The following KCNQ3 variants were observed in gnomAD, a reference collection of about 807,000 sequenced individuals.
KCNQ3 encodes potassium voltage-gated channel subfamily KQT member 3.
Under a neutral mutation model 92.5 loss-of-function variants are expected in KCNQ3, and 30 were observed. The ratio of observed to expected loss-of-function variants is 0.32; its 90% CI spans 0.24 to 0.44. KCNQ3 has a LOEUF of 0.44. KCNQ3 is among the 20% of genes least tolerant of loss of function. The probability of loss-of-function intolerance (pLI) is 1.00; values close to 1 mark genes in which losing one functional copy is unlikely to be tolerated. For synonymous variants in KCNQ3, 450 were observed against 468.8 expected, an observed-to-expected ratio of 0.96 and a Z score of 0.52; for missense variants, 913 against 1,140.3, an observed-to-expected ratio of 0.80 and a Z score of 2.87.
At chr8:132,395,255 T>A (rs1820162916) in intron 1 of KCNQ3, among the ~76,000 whole-genome samples, 1 of 151,946 alleles carries the variant, frequency 6.6e-6, no homozygotes, top group Non-Finnish European at 1.5e-5. Context: ...CATTTATGAT[T>A]TCTTTGTGTT....
chr8:132,168,256 G>C (rs914317186), intron 8 of KCNQ3, among the ~76,000 whole-genome samples: 1 of 152,060 alleles, frequency 6.6e-6, no homozygotes, highest in African/African-American at 2.4e-5. Context: ...TTCTTGCTTT[G>C]ACTTGAGTCC....
At chr8:132,249,704 A>C (rs959091361) in intron 1 of KCNQ3, among the ~76,000 whole-genome samples, 1 of 152,126 alleles carries the variant, frequency 6.6e-6, no homozygotes, top group Non-Finnish European at 1.5e-5. Context: ...ACCGCAGAGC[A>C]GGGGGCGGTG....
At position 132,248,379 on chromosome 8, in the gene KCNQ3, C is replaced by T. The variant is rs866888392; in HGVS notation, c.387-62198G>A. 3.3e-4 allele frequency among the ~76,000 whole-genome samples: 49 copies of T among 149,368 alleles called. No homozygotes were observed. In the Middle Eastern group the frequency reaches 0.01, roughly 32 times the overall value. On this transcript the variant is annotated intron_variant, in intron 1 of 14. Coordinates refer to ENST00000388996, the MANE Select transcript of KCNQ3 (RefSeq NM_004519.4). ...ATATGATGAGATAGTATTCTCTTTC[C>T]AAGTAAGTATAGGAATAAGCACATA... is the stretch of plus-strand genomic sequence containing the variant.
At chr8:132,215,146 G>A (rs1446900738) in intron 1 of KCNQ3, among the ~76,000 whole-genome samples, 2 of 152,216 alleles carry the variant, frequency 1.3e-5, no homozygotes, top group East Asian at 3.8e-4. Context: ...CCACACCTGA[G>A]TCTCAATTCA....
intron 1 of KCNQ3, among the ~76,000 whole-genome samples, chr8:132,287,794 G>A (rs1239974861): frequency 6.6e-6 from 1 of 152,182 alleles, no homozygotes; most frequent in Admixed American, 6.5e-5. Context: ...GGAAAAATGA[G>A]ATGGGTAATA....
chr8:132,425,760 T>TATG (rs1253320475), intron 1 of KCNQ3, among the ~76,000 whole-genome samples: 10 of 152,202 alleles, frequency 6.6e-5, no homozygotes, highest in African/African-American at 1.2e-4. Flanking sequence ...GTATCTACTC[T>TATG]ACTCATTTGT....
At chr8:132,162,375 G>A (rs1338930951) in intron 9 of KCNQ3, among the ~76,000 whole-genome samples, 1 of 152,122 alleles carries the variant, frequency 6.6e-6, no homozygotes, top group African/African-American at 2.4e-5. Flanking sequence ...CACCCTGTTG[G>A]GAGTCTTGAG....
chr8:132,467,773 C>A (rs142598049), intron 1 of KCNQ3, among the ~76,000 whole-genome samples: 138 of 152,316 alleles, frequency 9.1e-4, no homozygotes, highest in African/African-American at 3.2e-3. Flanking sequence ...AAGACCCCAT[C>A]AAGCAAAACT....
At chr8:132,219,728 T>A (rs1316801406) in intron 1 of KCNQ3, among the ~76,000 whole-genome samples, 1 of 152,160 alleles carries the variant, frequency 6.6e-6, no homozygotes, top group South Asian at 2.1e-4. Context: ...GACAAGCCAC[T>A]AATCCTCTTG....
chr8:132,425,740 A>C (rs975718413), intron 1 of KCNQ3, among the ~76,000 whole-genome samples: 3 of 152,150 alleles, frequency 2.0e-5, no homozygotes, highest in Non-Finnish European at 4.4e-5. Flanking sequence ...ATGAATATGA[A>C]TCTGCCAAGG....
At chr8:132,199,586 A>T (rs921325280) in intron 1 of KCNQ3, among the ~76,000 whole-genome samples, 4 of 152,324 alleles carry the variant, frequency 2.6e-5, no homozygotes, top group Admixed American at 1.3e-4. Flanking sequence ...CTCGTGGGAT[A>T]ATCAAATGGA....
chr8:132,447,261 G>A (rs979659589), intron 1 of KCNQ3: 1 of 1,535,424 alleles, frequency 6.5e-7, no homozygotes, highest in African/African-American at 1.4e-5. Context: ...TTTTTAACAA[G>A]TGGTGGTAAC....
intron 1 of KCNQ3, among the ~76,000 whole-genome samples, chr8:132,424,918 G>A (rs766965512): frequency 3.3e-5 from 5 of 152,156 alleles, no homozygotes; most frequent in Admixed American, 6.5e-5. Flanking sequence ...CTTATCTTCC[G>A]ATCCTTAATT....
chr8:132,430,499 T>G (rs1018045647), intron 1 of KCNQ3, among the ~76,000 whole-genome samples: 4 of 152,208 alleles, frequency 2.6e-5, no homozygotes, highest in African/African-American at 4.8e-5. Flanking sequence ...TTCCTTCCAC[T>G]GGGCTCCATT....
chr8:132,331,530 T>C (rs1818228744), intron 1 of KCNQ3, among the ~76,000 whole-genome samples: 1 of 152,182 alleles, frequency 6.6e-6, no homozygotes, highest in African/African-American at 2.4e-5. Context: ...AGTCATAGCC[T>C]GGGCAGCTGT....
At chr8:132,330,778 G>T (rs1226587816) in intron 1 of KCNQ3, among the ~76,000 whole-genome samples, 1 of 152,170 alleles carries the variant, frequency 6.6e-6, no homozygotes, top group Non-Finnish European at 1.5e-5. Context: ...TGCAGCTGGA[G>T]GAAGATGCAG....
intron 9 of KCNQ3, among the ~76,000 whole-genome samples, chr8:132,146,527 C>A (rs1825454633): frequency 6.6e-6 from 1 of 151,802 alleles, no homozygotes; most frequent in Non-Finnish European, 1.5e-5. Context: ...AGTTTTAGTT[C>A]TGCAAAGTAA....
chr8:132,193,940 G>T (rs1307983782), intron 1 of KCNQ3, among the ~76,000 whole-genome samples: 1 of 152,196 alleles, frequency 6.6e-6, no homozygotes, highest in Non-Finnish European at 1.5e-5. Context: ...TCAGCTGGGA[G>T]AAGTAAATGT....
At chr8:132,213,002 G>A (rs1338586212) in intron 1 of KCNQ3, among the ~76,000 whole-genome samples, 2 of 152,140 alleles carry the variant, frequency 1.3e-5, no homozygotes, top group Non-Finnish European at 2.9e-5. Context: ...TAGAGTTCAG[G>A]ACACCTGCAT....
Sources: allele counts gnomAD v4.1 joint callset (sites outside exome capture counted in the v4.1 genomes callset), GRCh38; gene constraint gnomAD v4.1.1; transcripts MANE v1.5; gene names NCBI Gene and HGNC (gene_info 2026-07-23, HGNC 2026-07-21).